Variants in PKD2L1 observed in about 807,000 individuals in gnomAD.
PKD2L1 encodes polycystin-2-like protein 1.
PKD2L1 carries 77 observed loss-of-function variants against 93.0 expected under a neutral mutation model. The observed-to-expected ratio is 0.83, with a 90% CI of 0.69 to 1.00. The LOEUF (loss-of-function observed/expected upper bound fraction) is 1.00, where lower values mean the gene tolerates loss of function less well. Among genes scored for constraint, PKD2L1 ranks in the 50% least tolerant of loss-of-function variants. PKD2L1 has a pLI of 0.00. For missense variants in PKD2L1, 977 were observed against 990.9 expected (o/e 0.99, Z 0.19); for synonymous variants, 390 against 388.0 (o/e 1.01, Z -0.06).
At chr10:100,298,529 G>A in intron 4 of PKD2L1, 33 bp downstream of exon 4, 4 of 1,608,218 alleles carry the variant, frequency 2.5e-6, no homozygotes, top group South Asian at 2.2e-5. Context: ...AGAGGGGCAA[G>A]CCCTGTGATA....
intron 2 of PKD2L1, among the ~76,000 whole-genome samples, chr10:100,326,317 TTGCTTCTCAAACTCTC>T (rs1381479984): frequency 2.0e-5 from 3 of 152,198 alleles, no homozygotes; most frequent in Non-Finnish European, 2.9e-5. Context: ...TTTTACCACT[TTGCTTCTCAAACTCTC>T]TGCTCCAGCC....
chr10:100,297,727 TG>T, intron 4 of PKD2L1, 121 bp from the exon 5 acceptor site: 2 of 620,764 alleles, frequency 3.2e-6, no homozygotes, highest in Non-Finnish European at 5.8e-6. Context: ...TGTGTGTGTG[TG>T]TGTGTGTGTG....
At chr10:100,298,487 T>G in intron 4 of PKD2L1, 75 bp downstream of exon 4, 1 of 1,471,822 alleles carries the variant, frequency 6.8e-7, no homozygotes, top group Non-Finnish European at 9.3e-7. Context: ...TCAGTGGAAG[T>G]GGTTCCCAGA....
rs569997177 is a variant in PKD2L1 at position 100,323,331 on chromosome 10, C to T, written c.349+5880G>A. ...TCGCCCAGGCTGGAGTACAGTGGCACGATCTCGGCTCACTGCAACCTCCAC... is the reference window on the plus strand; with the variant it reads ...TCGCCCAGGCTGGAGTACAGTGGCATGATCTCGGCTCACTGCAACCTCCAC... On this transcript the variant is annotated intron_variant, in intron 2 of 15. Transcript: ENST00000318222. Among the ~76,000 whole-genome samples, 13 of 152,270 alleles carry T rather than the reference C, an allele frequency of 8.5e-5. No homozygotes were observed. In the South Asian group the frequency reaches 1.0e-3, roughly 12 times the overall value.
At chr10:100,313,924 T>C (rs1281395786) in intron 2 of PKD2L1, among the ~76,000 whole-genome samples, 1 of 152,192 alleles carries the variant, frequency 6.6e-6, no homozygotes, top group Non-Finnish European at 1.5e-5. Context: ...GGCTCTCAAA[T>C]GGTTCCATAT....
Position 100,288,354 on chromosome 10 carries a change from CAGA to C in PKD2L1, c.*39_*41del, listed in dbSNP as rs778257867. The C allele has an allele frequency of 3.1e-6, 4 of 1,309,670 alleles. No individual in the cohort carries two copies. The South Asian group carries it at 3.5e-5, about 12-fold the overall frequency. 81.1% of individuals were successfully genotyped at this position (1,309,670 alleles called of 1,614,324 possible). The stretch of plus-strand genomic sequence containing the variant: ...CAGTGGACCAGGAGGCAGCCTCTTG[CAGA>C]AGATCCTTCATAGACTTTGCTCCGG... On this transcript the variant is annotated 3_prime_UTR_variant, in exon 16 of 16. Transcript: ENST00000318222.
chr10:100,300,874 T>C (rs1848659151), intron 2 of PKD2L1, among the ~76,000 whole-genome samples: 1 of 152,128 alleles, frequency 6.6e-6, no homozygotes, highest in African/African-American at 2.4e-5. Flanking sequence ...TCACTGTTGT[T>C]GCCCAGGATG....
chr10:100,296,357 G>T, intron 6 of PKD2L1, 65 bp from the exon 7 acceptor site: 1 of 1,374,384 alleles, frequency 7.3e-7, no homozygotes, highest in South Asian at 1.4e-5. Context: ...GTTCCAAGAT[G>T]AGGCCCCAAG....
At chr10:100,312,261 C>T (rs677603) in intron 2 of PKD2L1, among the ~76,000 whole-genome samples, 26,765 of 152,124 alleles carry the variant, frequency 0.18, 3,045 homozygotes, top group Non-Finnish European at 0.26. Context: ...GCTTCAGTAA[C>T]GAAGTCTATG....
chr10:100,295,991 G>C, intron 7 of PKD2L1, 131 bp downstream of exon 7: 1 of 718,806 alleles, frequency 1.4e-6, no homozygotes, highest in Non-Finnish European at 2.2e-6. Flanking sequence ...AGCCAAGATC[G>C]CCCCCACTTC....
intron 2 of PKD2L1, among the ~76,000 whole-genome samples, chr10:100,312,479 TC>T (rs922836425): frequency 1.6e-4 from 25 of 152,326 alleles, no homozygotes; most frequent in African/African-American, 5.5e-4. Flanking sequence ...CCCTGAAGTT[TC>T]TAGTAGCTCT....
At chr10:100,298,985 T>C (rs1213497279) in intron 3 of PKD2L1, among the ~76,000 whole-genome samples, 170 bp from the exon 4 acceptor site, 1 of 152,062 alleles carries the variant, frequency 6.6e-6, no homozygotes, top group Non-Finnish European at 1.5e-5. Flanking sequence ...TCTCGCTTTG[T>C]CACCCAGGCT....
chr10:100,299,475 T>G (rs1338896339), intron 3 of PKD2L1, 116 bp downstream of exon 3: 2 of 954,354 alleles, frequency 2.1e-6, no homozygotes, highest in East Asian at 4.8e-5. Flanking sequence ...GCCCTTTGAC[T>G]CAGTCTGATC....
At chr10:100,305,236 T>C (rs553090355) in intron 2 of PKD2L1, among the ~76,000 whole-genome samples, 1 of 151,902 alleles carries the variant, frequency 6.6e-6, no homozygotes, top group East Asian at 1.9e-4. Flanking sequence ...CTCAGGCTCC[T>C]GAGTAGCTGG....
In PKD2L1 at chr10:100,297,217, G is replaced by T. The variant is rs1243124956; in HGVS notation, c.957-9C>A. 6.2e-7 allele frequency: 1 copy of T among 1,611,988 alleles called. No individual in the cohort carries two copies. The highest frequency in any genetic ancestry group is 1.3e-5 in the African/African-American group (1 of 74,892). ...GAAACTCCACCACCAGCCTATAGGG[G>T]GAGGGGGAGATGACCTCCAGTGGAG... On this transcript the variant is annotated splice_polypyrimidine_tract_variant and intron_variant, in intron 5 of 15. Coordinates refer to ENST00000318222, the MANE Select transcript of PKD2L1 (RefSeq NM_016112.3).
intron 2 of PKD2L1, among the ~76,000 whole-genome samples, chr10:100,312,461 A>G (rs1447931899): frequency 6.6e-6 from 1 of 152,252 alleles, no homozygotes; most frequent in Non-Finnish European, 1.5e-5. Flanking sequence ...AGATCCTGTT[A>G]GTGATCCCCC....
chr10:100,297,193 A>C lies in PKD2L1; in HGVS notation c.972T>G (p.Phe324Leu). Residue 324 changes from phenylalanine (F) to leucine (L), a missense_variant, in exon 6 of 16, where the codon TTT becomes TTG. By Grantham distance (22) the Phe-to-Leu change is conservative. Transcript: ENST00000318222. ...LFCVLRLVVE[F>L]PATGGAIPSW... ...ATGGGATGGCACCTCCTGTAGCTGGAAACTCCACCACCAGCCTATAGGGGG... is the reference window on the plus strand; with the variant it reads ...ATGGGATGGCACCTCCTGTAGCTGGCAACTCCACCACCAGCCTATAGGGGG... 2 of 1,613,818 alleles carry C rather than the reference A, an allele frequency of 1.2e-6. No homozygotes were observed.
Position 100,292,870 on chromosome 10 carries a change from A to T in PKD2L1, c.1880+78T>A, listed in dbSNP as rs1848434127. ...GCCCCTAAACTAAAACCAAAGGCTT[A>T]TAAGCAAATGAAGTATGGTTGAGGG... is the stretch of plus-strand genomic sequence containing the variant. On this transcript the variant is annotated intron_variant, in intron 11 of 15. Transcript: ENST00000318222. The T allele has an allele frequency of 2.0e-6, 3 of 1,477,662 alleles. No individual in the cohort carries two copies. The Admixed American group carries it at 6.4e-5, about 31-fold the overall frequency. 91.5% of individuals were successfully genotyped at this position (1,477,662 alleles called of 1,614,324 possible).
intron 2 of PKD2L1, among the ~76,000 whole-genome samples, chr10:100,310,648 A>G (rs1848913080): frequency 6.6e-6 from 1 of 152,202 alleles, no homozygotes; most frequent in African/African-American, 2.4e-5. Flanking sequence ...TAAAATGAGT[A>G]TTTAATATGA....
Sources: gnomAD v4.1 joint callset for allele counts (sites outside exome capture counted in the v4.1 genomes callset) on GRCh38, gnomAD v4.1.1 for gene constraint, MANE v1.5 for transcripts, NCBI Gene and HGNC (gene_info 2026-07-23, HGNC 2026-07-21) for gene names.